Variants in KLHL29 observed in about 807,000 individuals in gnomAD.
The protein encoded by KLHL29 is kelch-like protein 29.
Under a neutral mutation model 80.4 loss-of-function variants are expected in KLHL29, and 21 were observed. That is an observed-to-expected ratio of 0.26 (90% CI 0.19 to 0.38). KLHL29 has a LOEUF of 0.38. KLHL29 is among the 10% of genes least tolerant of loss of function. The pLI, the probability that KLHL29 is intolerant of heterozygous loss-of-function variation, is 1.00. For synonymous variants in KLHL29, 511 were observed against 526.8 expected (o/e 0.97, Z 0.41); for missense variants, 867 against 1,223.9 (o/e 0.71, Z 4.35).
chr2:23,462,774 G>C (rs959217960), intron 1 of KLHL29, among the ~76,000 whole-genome samples: 1 of 152,010 alleles, frequency 6.6e-6, no homozygotes, highest in South Asian at 2.1e-4. Context: ...TTTGAATATA[G>C]ATGCAACAAA....
rs1462888081 is a variant in KLHL29, at chr2:23,385,329, C to T, written c.-605C>T. ...CGGCTCCGCAGCGCCCGTCCGCAGCCCCGGCGGTCGCCGCGCTTGAGCGCA... is the reference window on the plus strand; with the variant it reads ...CGGCTCCGCAGCGCCCGTCCGCAGCTCCGGCGGTCGCCGCGCTTGAGCGCA... On this transcript the variant is annotated 5_prime_UTR_variant, in exon 1 of 14. Coordinates refer to ENST00000486442, the MANE Select transcript of KLHL29 (RefSeq NM_052920.2). 1 of 146,696 alleles carries T rather than the reference C, an allele frequency of 6.8e-6. No individual in the cohort carries two copies. The highest frequency in any genetic ancestry group is 6.8e-5 in the Admixed American group (1 of 14,696). 9.1% of individuals were successfully genotyped at this position (146,696 alleles called of 1,614,324 possible).
At chr2:23,525,742 C>G (rs984420885) in intron 2 of KLHL29, among the ~76,000 whole-genome samples, 8 of 104,334 alleles carry the variant, frequency 7.7e-5, no homozygotes, top group African/African-American at 2.7e-4. Context: ...CCCCCCCACC[C>G]GAGGCGAGCC....
chr2:23,479,299 A>G (rs1474738527), intron 2 of KLHL29, among the ~76,000 whole-genome samples: 1 of 151,534 alleles, frequency 6.6e-6, no homozygotes, highest in Middle Eastern at 3.4e-3. Context: ...TCAGCCCTAC[A>G]CAGGCATCAT....
intron 3 of KLHL29, among the ~76,000 whole-genome samples, chr2:23,621,270 T>C (rs1669175906): frequency 1.3e-5 from 2 of 152,156 alleles, no homozygotes; most frequent in Non-Finnish European, 2.9e-5. Context: ...GGGGAGAGAC[T>C]GGGGAAGCCC....
intron 2 of KLHL29, among the ~76,000 whole-genome samples, chr2:23,557,986 C>G (rs1558387557): frequency 6.6e-6 from 1 of 152,102 alleles, no homozygotes; most frequent in Non-Finnish European, 1.5e-5. Flanking sequence ...GATGGTGGCA[C>G]CATCTGGAAC....
chr2:23,497,475 G>A (rs939510410), intron 2 of KLHL29, among the ~76,000 whole-genome samples: 4 of 152,146 alleles, frequency 2.6e-5, no homozygotes, highest in Non-Finnish European at 5.9e-5. Context: ...TGGGGGAGAC[G>A]GTGCAATAAT....
chr2:23,482,726 G>A (rs1208205938), intron 2 of KLHL29, among the ~76,000 whole-genome samples: 1 of 152,104 alleles, frequency 6.6e-6, no homozygotes, highest in Non-Finnish European at 1.5e-5. Context: ...CTCCACCCCT[G>A]TCTCTCTCTC....
intron 3 of KLHL29, among the ~76,000 whole-genome samples, chr2:23,602,235 G>A (rs757284452): frequency 2.0e-5 from 3 of 152,182 alleles, no homozygotes; most frequent in African/African-American, 7.2e-5. Context: ...ACATGACGTC[G>A]TTCCTGTGCC....
At chr2:23,600,177 A>G in intron 3 of KLHL29, among the ~76,000 whole-genome samples, 1 of 152,262 alleles carries the variant, frequency 6.6e-6, no homozygotes, top group East Asian at 1.9e-4. Flanking sequence ...TGACATAAAA[A>G]TGTAGGCTGG....
chr2:23,547,312 A>C (rs574312220), intron 2 of KLHL29, among the ~76,000 whole-genome samples: 7 of 152,300 alleles, frequency 4.6e-5, no homozygotes, highest in African/African-American at 1.4e-4. Flanking sequence ...GCTGGGGCAG[A>C]GGGGAGAGGC....
intron 1 of KLHL29, among the ~76,000 whole-genome samples, chr2:23,395,756 GAAAA>G (rs200288530): frequency 8.5e-5 from 11 of 130,070 alleles, no homozygotes; most frequent in African/African-American, 3.0e-4. Context: ...AAAAAGGAAA[GAAAA>G]AAAAAAAAAA....
intron 1 of KLHL29, among the ~76,000 whole-genome samples, chr2:23,408,263 T>TGAAA (rs1220731327): frequency 1.9e-5 from 1 of 52,678 alleles, no homozygotes; most frequent in African/African-American, 6.4e-5. Flanking sequence ...CATTTCACGC[T>TGAAA]AAAAAAAAAA....
chr2:23,641,708 G>C (rs549937997), intron 4 of KLHL29, among the ~76,000 whole-genome samples: 1 of 152,360 alleles, frequency 6.6e-6, no homozygotes, highest in African/African-American at 2.4e-5. Context: ...CTGAGGTCAG[G>C]CGTGGTGGCT....
chr2:23,532,852 T>C (rs78004801), intron 2 of KLHL29, among the ~76,000 whole-genome samples: 5,009 of 152,172 alleles, frequency 0.033, 259 homozygotes, highest in African/African-American at 0.11. Flanking sequence ...GGCTCCAGGC[T>C]ACCAACTGGA....
chr2:23,416,330 A>AT (rs1666983302), intron 1 of KLHL29, among the ~76,000 whole-genome samples: 1 of 152,072 alleles, frequency 6.6e-6, no homozygotes, highest in African/African-American at 2.4e-5. Context: ...TTTGGTGGGC[A>AT]TTTTCCCTCT....
At chr2:23,467,805 C>T (rs560595945) in intron 1 of KLHL29, among the ~76,000 whole-genome samples, 7 of 152,160 alleles carry the variant, frequency 4.6e-5, no homozygotes, top group South Asian at 4.2e-4. Context: ...CTGGAGGGAG[C>T]GGAGAGTGGT....
chr2:23,579,916 T>C (rs1338588122), intron 3 of KLHL29, among the ~76,000 whole-genome samples: 1 of 152,220 alleles, frequency 6.6e-6, no homozygotes, highest in Non-Finnish European at 1.5e-5. Context: ...CCCCTGGTTC[T>C]GCGCCAGGCA....
chr2:23,670,968 CTCTCTCTCTCTCCCTCCCT>C lies in KLHL29; in HGVS notation c.941-13430_941-13412del, dbSNP rs1670716700. Among the ~76,000 whole-genome samples the C allele has an allele frequency of 2.5e-4, 6 of 24,440 alleles. 1 individual carries two copies. The highest frequency in any genetic ancestry group is 9.8e-4 in the Admixed American group (2 of 2,038). The allele number at this position is 24,440 out of a possible 152,430, so 16.0% of individuals were successfully genotyped here. A position where few individuals can be genotyped will look rare whatever the true frequency, so the allele number is the denominator to read the frequency against. On this transcript the variant is annotated intron_variant, in intron 5 of 13. Transcript: ENST00000486442. Reference sequence around the variant, plus strand: ...TCTCTCTCTCTCTCTCTCTCTCTCTCTCTCTCTCTCTCCCTCCCTCCCTCCCTCCCTCCCCCCCCCCACC... The same window carrying C: ...TCTCTCTCTCTCTCTCTCTCTCTCTCCCCTCCCTCCCTCCCCCCCCCCACC...
intron 1 of KLHL29, among the ~76,000 whole-genome samples, chr2:23,445,759 A>G (rs1212536626): frequency 6.6e-6 from 1 of 152,214 alleles, no homozygotes; most frequent in Non-Finnish European, 1.5e-5. Flanking sequence ...TTAACCACAA[A>G]ATGCTTGTCA....
Sources: allele counts gnomAD v4.1 joint callset (sites outside exome capture counted in the v4.1 genomes callset), GRCh38; gene constraint gnomAD v4.1.1; transcripts MANE v1.5; gene names NCBI Gene and HGNC (gene_info 2026-07-23, HGNC 2026-07-21).